The following CDON variants were observed in gnomAD, a reference collection of about 807,000 sequenced individuals.
CDON encodes cell adhesion molecule-related/down-regulated by oncogenes.
A neutral mutation model predicts 120.9 loss-of-function variants in CDON; 73 were observed. The observed-to-expected ratio is 0.60, with a 90% confidence interval of 0.50 to 0.73. The LOEUF (loss-of-function observed/expected upper bound fraction) is 0.73, where lower values mean the gene tolerates loss of function less well. CDON is among the 30% of genes least tolerant of loss of function. The probability of loss-of-function intolerance (pLI) is 0.00; values close to 1 mark genes in which losing one functional copy is unlikely to be tolerated. For synonymous variants in CDON, 566 were observed against 573.5 expected, an observed-to-expected ratio of 0.99 and a Z score of 0.19; for missense variants, 1,470 against 1,587.3, an observed-to-expected ratio of 0.93 and a Z score of 1.26.
intron 3 of CDON, among the ~76,000 whole-genome samples, chr11:126,020,422 T>C (rs1479862221): frequency 6.6e-6 from 1 of 152,226 alleles, no homozygotes; most frequent in Non-Finnish European, 1.5e-5. Context: ...CTCAGTTCAC[T>C]ACGGACGGAG....
intron 16 of CDON, among the ~76,000 whole-genome samples, chr11:125,982,766 G>T (rs973283769): frequency 3.9e-5 from 6 of 152,166 alleles, no homozygotes; most frequent in African/African-American, 1.4e-4. Context: ...CCAGATTAAT[G>T]TTCTCTTTTA....
At chr11:126,023,956 T>C (rs1254845041) in intron 1 of CDON, among the ~76,000 whole-genome samples, 1 of 152,248 alleles carries the variant, frequency 6.6e-6, no homozygotes, top group Non-Finnish European at 1.5e-5. Flanking sequence ...AGACACCATT[T>C]CAGTGCTTTA....
At chr11:126,042,103 C>T (rs542868467) in intron 1 of CDON, among the ~76,000 whole-genome samples, 3 of 152,308 alleles carry the variant, frequency 2.0e-5, no homozygotes, top group South Asian at 2.1e-4. Context: ...AGGCTTGTCT[C>T]GAACTCCCGA....
rs758442757 is a variant in CDON at position 125,981,314 on chromosome 11, C to A, written c.3011G>T (p.Gly1004Val). The change falls in exon 17 of 20, where the codon GGA (glycine) becomes GTA (valine). Residue 1004 changes from glycine to valine, a missense_variant. Coordinates refer to ENST00000531738, the MANE Select transcript of CDON (RefSeq NM_001378964.1). ...QNTIQKYDPPGYLYQGSDMNG... is the reference protein window; with the variant it reads ...QNTIQKYDPPVYLYQGSDMNG... ...CATATCTGATCCTTGGTAGAGATAT[C>A]CTGGTGGGTCATATTCTGTTAAAAG... is the stretch of plus-strand genomic sequence containing the variant. The A allele has an allele frequency of 6.2e-7, 1 of 1,613,398 alleles. No homozygotes were observed. Among genetic ancestry groups the A allele is most frequent in the African/African-American group, 1.3e-5 (1 of 74,988 alleles).
intron 1 of CDON, among the ~76,000 whole-genome samples, chr11:126,045,550 T>C (rs1753063211): frequency 6.6e-6 from 1 of 152,210 alleles, no homozygotes; most frequent in Non-Finnish European, 1.5e-5. Flanking sequence ...AGTATTTACT[T>C]TGGAAATTCG....
At position 125,960,875 on chromosome 11, in the gene CDON, C is replaced by T. The variant is rs533077441; in HGVS notation, c.*67G>A. 1.8e-5 allele frequency: 26 copies of T among 1,430,474 alleles called. No homozygotes were observed. The highest frequency in any genetic ancestry group is 5.0e-5 in the Admixed American group (3 of 59,774). The allele number at this position is 1,430,474 out of a possible 1,614,324, so 88.6% of individuals were successfully genotyped here. A position where few individuals can be genotyped will look rare whatever the true frequency, so the allele number is the denominator to read the frequency against. On this transcript the variant is annotated 3_prime_UTR_variant, in exon 20 of 20. Transcript: ENST00000531738. The stretch of plus-strand genomic sequence containing the variant: ...TTGAATTAAGGTCCTTCACACAGTT[C>T]GCTCCCAGGCCTGTTGTGTGCAGTT...
At chr11:125,985,910 ATTACTCAAGGAT>A (rs1946446229) in intron 15 of CDON, among the ~76,000 whole-genome samples, 1 of 152,188 alleles carries the variant, frequency 6.6e-6, no homozygotes, top group Non-Finnish European at 1.5e-5. Context: ...CAGTGTGGCG[ATTACTCAAGGAT>A]CTAGAAATAG....
rs1357931837 is a variant in CDON at position 125,975,617 on chromosome 11, T to C, written c.3356+2687A>G. On this transcript the variant is annotated intron_variant, in intron 18 of 19. Transcript: ENST00000531738. ...ATGGTCCCAGGACCATGGGCATCAG[T>C]ACCATCTGCGAACTCATTAGAAATG... is the stretch of plus-strand genomic sequence containing the variant. Among the ~76,000 whole-genome samples the C allele has an allele frequency of 2.6e-5, 4 of 152,180 alleles. No homozygotes were observed. In the East Asian group the frequency reaches 7.7e-4, roughly 29 times the overall value.
At chr11:125,996,058 A>G (rs1377760741) in intron 12 of CDON, among the ~76,000 whole-genome samples, 8 of 152,164 alleles carry the variant, frequency 5.3e-5, no homozygotes, top group Admixed American at 5.2e-4. Context: ...ACTCATGTCC[A>G]CAACACTAAG....
chr11:125,963,992 A>G (rs1168813759), intron 18 of CDON, among the ~76,000 whole-genome samples: 1 of 152,218 alleles, frequency 6.6e-6, no homozygotes, highest in Non-Finnish European at 1.5e-5. Context: ...TATTTTATTC[A>G]ACCCTGAACT....
At chr11:125,983,306 C>G (rs895358089) in intron 16 of CDON, among the ~76,000 whole-genome samples, 1 of 152,176 alleles carries the variant, frequency 6.6e-6, no homozygotes, top group Non-Finnish European at 1.5e-5. Context: ...ACTGTTATTT[C>G]AAAGCAGGGC....
chr11:126,025,910 A>G (rs1369406162), intron 1 of CDON, among the ~76,000 whole-genome samples: 2 of 152,228 alleles, frequency 1.3e-5, no homozygotes, highest in African/African-American at 4.8e-5. Context: ...GCCATTCTCC[A>G]GATATGGCCA....
intron 1 of CDON, among the ~76,000 whole-genome samples, chr11:126,046,561 CA>C (rs758338184): frequency 1.1e-4 from 16 of 152,162 alleles, no homozygotes; most frequent in Non-Finnish European, 1.8e-4. Flanking sequence ...TTGTTACTGT[CA>C]CTGCTGAAGA....
Position 125,959,256 on chromosome 11 carries a change from T to C in CDON, c.*1686A>G, listed in dbSNP as rs1239337753. The C allele has an allele frequency of 6.6e-6, 1 of 152,210 alleles. No individual in the cohort carries two copies. Among genetic ancestry groups the C allele is most frequent in the Non-Finnish European group, 1.5e-5 (1 of 68,034 alleles). The allele number at this position is 152,210 out of a possible 1,614,324, so 9.4% of individuals were successfully genotyped here. On this transcript the variant is annotated 3_prime_UTR_variant, in exon 20 of 20. Transcript: ENST00000531738. ...CAGAAAGTTGGTTAACACAGTATTG[T>C]ATTCTATTCCACTGCGATTTCTGGG...
chr11:125,971,705 C>A (rs908181957), intron 18 of CDON, among the ~76,000 whole-genome samples: 10 of 152,048 alleles, frequency 6.6e-5, no homozygotes, highest in Non-Finnish European at 1.2e-4. Context: ...ACTTCCTGTC[C>A]ATCTCCAGTC....
chr11:126,012,438 G>T (rs1459485579), intron 7 of CDON, among the ~76,000 whole-genome samples: 1 of 151,704 alleles, frequency 6.6e-6, no homozygotes, highest in Non-Finnish European at 1.5e-5. Flanking sequence ...ATCTCGCTCT[G>T]TCGCCCAGGC....
intron 11 of CDON, among the ~76,000 whole-genome samples, chr11:125,998,456 T>C (rs1035343004): frequency 6.6e-6 from 1 of 152,106 alleles, no homozygotes; most frequent in Non-Finnish European, 1.5e-5. Flanking sequence ...TTTCCCACCA[T>C]GTGATGTGCC....
intron 4 of CDON, 119 bp downstream of exon 4, chr11:126,019,500 C>A (rs1207460164): frequency 2.8e-6 from 3 of 1,074,092 alleles, no homozygotes; most frequent in Non-Finnish European, 4.3e-6. Flanking sequence ...TTGTTTTAGT[C>A]CTCTCCACTC....
intron 16 of CDON, among the ~76,000 whole-genome samples, chr11:125,982,631 C>T (rs956400516): frequency 6.6e-6 from 1 of 152,142 alleles, no homozygotes; most frequent in Non-Finnish European, 1.5e-5. Flanking sequence ...GCCTGGTATA[C>T]AGAAGACGAT....
Sources: gnomAD v4.1 joint callset for allele counts (sites outside exome capture counted in the v4.1 genomes callset) on GRCh38, gnomAD v4.1.1 for gene constraint, MANE v1.5 for transcripts, NCBI Gene and HGNC (gene_info 2026-07-23, HGNC 2026-07-21) for gene names.